SCFD2: variants seen among roughly 807,000 people sequenced by gnomAD.
SCFD2 encodes the protein sec1 family domain containing 2.
In SCFD2, 54 loss-of-function variants were observed where a neutral mutation model predicts 58.9. That is an observed-to-expected ratio of 0.92 (90% CI 0.74 to 1.15). The LOEUF (loss-of-function observed/expected upper bound fraction) is 1.15, where lower values mean the gene tolerates loss of function less well. Among genes scored for constraint, SCFD2 ranks in the 50% most tolerant of loss-of-function variants. The pLI is 0.00. For synonymous variants in SCFD2, 321 were observed against 335.9 expected (o/e 0.96, Z 0.49); for missense variants, 805 against 836.6 (o/e 0.96, Z 0.47).
At chr4:53,094,692 A>T (rs1217438167) in intron 5 of SCFD2, among the ~76,000 whole-genome samples, 1 of 151,886 alleles carries the variant, frequency 6.6e-6, no homozygotes, top group African/African-American at 2.4e-5. Context: ...ATCAGTGTAC[A>T]ATGTGCTTTT....
At chr4:53,156,068 G>A (rs1726670733) in intron 4 of SCFD2, among the ~76,000 whole-genome samples, 1 of 152,126 alleles carries the variant, frequency 6.6e-6, no homozygotes, top group Non-Finnish European at 1.5e-5. Context: ...GCTGAATTTT[G>A]TAAAAGCCAG....
At chr4:53,103,905 A>T (rs554223464) in intron 5 of SCFD2, among the ~76,000 whole-genome samples, 1 of 149,860 alleles carries the variant, frequency 6.7e-6, no homozygotes, top group Non-Finnish European at 1.5e-5. Flanking sequence ...GCTAAAAAAA[A>T]AAAAAAAAAA....
At chr4:53,177,773 T>G (rs899919519) in intron 4 of SCFD2, among the ~76,000 whole-genome samples, 1 of 152,144 alleles carries the variant, frequency 6.6e-6, no homozygotes, top group African/African-American at 2.4e-5. Flanking sequence ...CAGTGACAGA[T>G]GGCACCTGGA....
chr4:52,891,841 C>G (rs4864693), intron 7 of SCFD2, among the ~76,000 whole-genome samples: 103,634 of 152,040 alleles, frequency 0.68, 35,404 homozygotes, highest in East Asian at 0.79. Flanking sequence ...CCTGAAATGT[C>G]CCCCCTGCCC....
chr4:53,054,125 T>C (rs559952192), intron 5 of SCFD2, among the ~76,000 whole-genome samples: 2 of 152,212 alleles, frequency 1.3e-5, no homozygotes, highest in African/African-American at 4.8e-5. Context: ...TAACCACCCA[T>C]CTAGTCCCTG....
intron 5 of SCFD2, among the ~76,000 whole-genome samples, chr4:52,929,157 T>C (rs1369293802): frequency 6.6e-6 from 1 of 152,092 alleles, no homozygotes; most frequent in African/African-American, 2.4e-5. Context: ...TGACAAAAAC[T>C]CTGAAGTTTG....
At chr4:52,960,705 C>T (rs1720826377) in intron 5 of SCFD2, among the ~76,000 whole-genome samples, 2 of 93,298 alleles carry the variant, frequency 2.1e-5, no homozygotes, top group South Asian at 1.0e-3. Context: ...TCATTTCTTT[C>T]TCTGACACAC....
rs572814297 is a variant in SCFD2 at position 53,261,192 on chromosome 4, T to C, written c.1311+12634A>G. Among the ~76,000 whole-genome samples the C allele has an allele frequency of 2.6e-5, 4 of 152,264 alleles. 1 individual carries two copies. The highest frequency in any genetic ancestry group is 9.6e-5 in the African/African-American group (4 of 41,574). On this transcript the variant is annotated intron_variant, in intron 4 of 8. Transcript: ENST00000401642. ...ACCAGCTTTTTGTTTCATTTATCTTTTGTATTTTTGTTTGTTTGCTTGTTT... is the reference window on the plus strand; with the variant it reads ...ACCAGCTTTTTGTTTCATTTATCTTCTGTATTTTTGTTTGTTTGCTTGTTT...
At chr4:53,127,409 C>T (rs536817677) in intron 5 of SCFD2, among the ~76,000 whole-genome samples, 3 of 152,282 alleles carry the variant, frequency 2.0e-5, no homozygotes, top group African/African-American at 7.2e-5. Flanking sequence ...TCTATGTGCG[C>T]ACCCCCCACC....
chr4:53,199,745 C>T lies in SCFD2; in HGVS notation c.1312-54163G>A, dbSNP rs530353185. On this transcript the variant is annotated intron_variant, in intron 4 of 8. Coordinates refer to ENST00000401642, the MANE Select transcript of SCFD2 (RefSeq NM_152540.4). ...GGAATGACCAGAAAGGGCATGGAAGCTACCTGTCCCCGTACAAAATAAGTA... is the reference window on the plus strand; with the variant it reads ...GGAATGACCAGAAAGGGCATGGAAGTTACCTGTCCCCGTACAAAATAAGTA... Among the ~76,000 whole-genome samples the T allele has an allele frequency of 2.9e-4, 44 of 152,228 alleles. No individual in the cohort carries two copies. In the South Asian group the frequency reaches 9.1e-3, roughly 32 times the overall value.
At chr4:53,184,053 C>G (rs763224024) in intron 4 of SCFD2, among the ~76,000 whole-genome samples, 2 of 152,170 alleles carry the variant, frequency 1.3e-5, no homozygotes, top group African/African-American at 4.8e-5. Flanking sequence ...TAACCTACTC[C>G]TAGAAAAATA....
At chr4:53,206,578 C>T (rs1728413565) in intron 4 of SCFD2, among the ~76,000 whole-genome samples, 1 of 152,074 alleles carries the variant, frequency 6.6e-6, no homozygotes, top group Admixed American at 6.5e-5. Context: ...ATCGTAAAAA[C>T]TCCACTGTAA....
intron 3 of SCFD2, among the ~76,000 whole-genome samples, chr4:53,277,767 T>C (rs1448545960): frequency 5.9e-5 from 9 of 152,218 alleles, no homozygotes; most frequent in Non-Finnish European, 8.8e-5. Flanking sequence ...TAAAAAACAG[T>C]CCAGGCTCGG....
Position 52,897,446 on chromosome 4 carries a change from G to T in SCFD2, c.1842+10011C>A, listed in dbSNP as rs113099591. 4.0e-3 allele frequency among the ~76,000 whole-genome samples: 603 copies of T among 152,214 alleles called. 5 individuals carry two copies. The highest frequency in any genetic ancestry group is 0.014 in the African/African-American group (574 of 41,538). On this transcript the variant is annotated intron_variant, in intron 7 of 8. Coordinates refer to ENST00000401642, the MANE Select transcript of SCFD2 (RefSeq NM_152540.4). ...GTTTTTGTCTTTGGTTCTGTTTATA[G>T]GCTGGATTAAGTTTATTGATTTTCA...
At chr4:53,238,165 T>C (rs1245742214) in intron 4 of SCFD2, among the ~76,000 whole-genome samples, 1 of 132,916 alleles carries the variant, frequency 7.5e-6, no homozygotes, top group African/African-American at 2.8e-5. Flanking sequence ...ACGGGGTGGC[T>C]GGCCGGGCGG....
At chr4:53,051,868 A>G (rs545182786) in intron 5 of SCFD2, among the ~76,000 whole-genome samples, 1 of 152,300 alleles carries the variant, frequency 6.6e-6, no homozygotes, top group African/African-American at 2.4e-5. Context: ...CAAAGATGTA[A>G]TAAAGAAAGA....
intron 5 of SCFD2, among the ~76,000 whole-genome samples, chr4:53,095,909 C>T (rs757742838): frequency 6.6e-6 from 1 of 152,088 alleles, no homozygotes; most frequent in Non-Finnish European, 1.5e-5. Flanking sequence ...GTGATGTTCC[C>T]CTTCCTGTGC....
intron 5 of SCFD2, among the ~76,000 whole-genome samples, chr4:53,056,194 A>G (rs1012317354): frequency 1.3e-5 from 2 of 151,508 alleles, no homozygotes; most frequent in Non-Finnish European, 2.9e-5. Flanking sequence ...ACAGGCCTAG[A>G]AAAATAACAA....
chr4:53,339,936 G>A (rs1366432780), intron 2 of SCFD2, among the ~76,000 whole-genome samples: 1 of 152,132 alleles, frequency 6.6e-6, no homozygotes, highest in East Asian at 1.9e-4. Flanking sequence ...TATATCAAAA[G>A]TTTTGTTAAA....
Sources: gnomAD v4.1 joint callset for allele counts (sites outside exome capture counted in the v4.1 genomes callset) on GRCh38, gnomAD v4.1.1 for gene constraint, MANE v1.5 for transcripts, NCBI Gene and HGNC (gene_info 2026-07-23, HGNC 2026-07-21) for gene names.